DNAAF9: variants seen among roughly 807,000 people sequenced by gnomAD.
DNAAF9 encodes the protein dynein axonemal assembly factor 9.
Under a neutral mutation model 167.0 loss-of-function variants are expected in DNAAF9, and 90 were observed. The ratio of observed to expected loss-of-function variants is 0.54; its 90% CI spans 0.45 to 0.64. The LOEUF (loss-of-function observed/expected upper bound fraction) is 0.64. DNAAF9 is among the 30% of genes least tolerant of loss of function. The pLI, the probability that DNAAF9 is intolerant of heterozygous loss-of-function variation, is 0.00. For synonymous variants in DNAAF9, 491 were observed against 508.8 expected, an observed-to-expected ratio of 0.96 and a Z score of 0.47; for missense variants, 1,315 against 1,442.2, an observed-to-expected ratio of 0.91 and a Z score of 1.43.
intron 6 of DNAAF9, among the ~76,000 whole-genome samples, chr20:3,369,914 T>C (rs983395654): frequency 6.6e-6 from 1 of 152,220 alleles, no homozygotes; most frequent in Non-Finnish European, 1.5e-5. Flanking sequence ...AAGAGTTTTA[T>C]GTCAAGTTTT....
chr20:3,322,805 C>A, intron 14 of DNAAF9, 109 bp from the exon 15 acceptor site: 1 of 821,492 alleles, frequency 1.2e-6, no homozygotes, highest in Non-Finnish European at 2.1e-6. Context: ...AGGTGTGTGT[C>A]ATCCTTGCTT....
rs781547457 is a variant in DNAAF9, at chr20:3,318,348, A to C, written c.1409T>G (p.Leu470Ter). 6.2e-7 allele frequency: 1 copy of C among 1,608,146 alleles called. No individual in the cohort carries two copies. Among genetic ancestry groups the C allele is most frequent in the Non-Finnish European group, 8.5e-7 (1 of 1,174,690 alleles). Residue 470 changes from leucine (L) to a stop codon, truncating the protein, a stop_gained, in exon 17 of 37, where the codon TTA becomes TGA. Transcript: ENST00000252032. LOFTEE classifies it high-confidence loss of function. Reference protein sequence around the residue: ...IPDLLGGNGCLGSVVFSESFL... With the variant: ...IPDLLGGNGC ...TGATTCAGAGAAAACCACAGATCCT[A>C]AACAACCATTGCCTCCCAGTAAGTC...
intron 1 of DNAAF9, among the ~76,000 whole-genome samples, chr20:3,396,322 T>C (rs1183165378): frequency 6.6e-6 from 1 of 152,260 alleles, no homozygotes; most frequent in Non-Finnish European, 1.5e-5. Flanking sequence ...GTTTTCTCTC[T>C]TCCTTTTTTT....
intron 29 of DNAAF9, among the ~76,000 whole-genome samples, chr20:3,271,519 A>T (rs569157423): frequency 2.8e-4 from 42 of 152,290 alleles, no homozygotes; most frequent in Admixed American, 7.8e-4. Flanking sequence ...AGATAATTAT[A>T]ATACCCCTTC....
rs754649502 is a variant in DNAAF9, at chr20:3,381,481, T to C, written c.181A>G (p.Asn61Asp). 1 of 1,613,900 alleles carries C rather than the reference T, an allele frequency of 6.2e-7. No homozygotes were observed. The highest frequency in any genetic ancestry group is 1.1e-5 in the South Asian group (1 of 91,062). ...TTTGCCAGCTCTCTGCAGCCTTCAT[T>C]GTACCTGCTATCGATTCCTGCAAGG... The part of the protein sequence containing the change: ...LCILGIDSRY[N>D]EGCRELANYL... Residue 61 changes from asparagine (N) to aspartate (D), a missense_variant, in exon 3 of 37, where the codon AAT becomes GAT. Coordinates refer to ENST00000252032, the MANE Select transcript of DNAAF9 (RefSeq NM_001009984.3).
intron 1 of DNAAF9, among the ~76,000 whole-genome samples, chr20:3,407,192 G>A (rs1384145125): frequency 1.3e-5 from 2 of 152,068 alleles, no homozygotes; most frequent in Admixed American, 6.5e-5. Context: ...TGTCTTCACA[G>A]GGAATCGCTG....
At chr20:3,363,516 A>G (rs2083391687) in intron 6 of DNAAF9, among the ~76,000 whole-genome samples, 1 of 150,578 alleles carries the variant, frequency 6.6e-6, no homozygotes. Flanking sequence ...AAAAAAGATT[A>G]ATGCAAAGCA....
chr20:3,389,218 T>C (rs1376620081), intron 1 of DNAAF9, among the ~76,000 whole-genome samples: 41 of 152,124 alleles, frequency 2.7e-4, no homozygotes. Flanking sequence ...TGATCACGAC[T>C]CACTGCAGCC....
intron 16 of DNAAF9, among the ~76,000 whole-genome samples, chr20:3,320,073 C>T (rs930626448): frequency 6.6e-6 from 1 of 152,166 alleles, no homozygotes; most frequent in African/African-American, 2.4e-5. Flanking sequence ...AAAAAGATAA[C>T]ATGTAGCATT....
chr20:3,379,217 T>C (rs1226312432), intron 3 of DNAAF9, among the ~76,000 whole-genome samples: 6 of 151,942 alleles, frequency 3.9e-5, no homozygotes, highest in Non-Finnish European at 8.8e-5. Flanking sequence ...CCAAATCTCT[T>C]AGAACTCTGG....
chr20:3,332,967 C>A (rs900503135), intron 10 of DNAAF9, among the ~76,000 whole-genome samples: 1 of 149,184 alleles, frequency 6.7e-6, no homozygotes, highest in Non-Finnish European at 1.5e-5. Flanking sequence ...TGTGAGGGTG[C>A]TGTTGGATAC....
Position 3,316,051 on chromosome 20 carries a change from C to T in DNAAF9, c.1540-266G>A. On this transcript the variant is annotated intron_variant, in intron 18 of 36. Transcript: ENST00000252032. ...AGCAGAGGGGATGTGTTAGTCTCCA[C>T]CTGTATTTCACTTCAGAAAAAAACA... The T allele has an allele frequency of 9.9e-6, 5 of 506,270 alleles. No homozygotes were observed. In the South Asian group the frequency reaches 1.6e-4, roughly 16 times the overall value. The allele number at this position is 506,270 out of a possible 1,614,324, so 31.4% of individuals were successfully genotyped here. A position where few individuals can be genotyped will look rare whatever the true frequency, so the allele number is the denominator to read the frequency against.
At chr20:3,285,029 A>G (rs2068827185) in intron 27 of DNAAF9, among the ~76,000 whole-genome samples, 1 of 152,090 alleles carries the variant, frequency 6.6e-6, no homozygotes, top group Admixed American at 6.6e-5. Flanking sequence ...CTCCACTCCC[A>G]TTCTGACCTC....
At chr20:3,268,218 C>A (rs1053145476) in intron 30 of DNAAF9, among the ~76,000 whole-genome samples, 1 of 151,474 alleles carries the variant, frequency 6.6e-6, no homozygotes, top group Admixed American at 6.6e-5. Flanking sequence ...TTAGTAGAGG[C>A]GGGGTTTCGC....
chr20:3,310,325 G>GTGAAAGAAAA (rs2069382486), intron 20 of DNAAF9, among the ~76,000 whole-genome samples: 1 of 60,280 alleles, frequency 1.7e-5, no homozygotes, highest in Non-Finnish European at 3.6e-5. Flanking sequence ...AGAAAGGAAA[G>GTGAAAGAAAA]AGAAAGAAAA....
chr20:3,339,629 G>A (rs2070038720), intron 10 of DNAAF9, among the ~76,000 whole-genome samples: 1 of 152,176 alleles, frequency 6.6e-6, no homozygotes, highest in African/African-American at 2.4e-5. Flanking sequence ...TAATGGGGGA[G>A]GGAAACATTC....
chr20:3,313,803 A>C (rs1163733772), intron 20 of DNAAF9, among the ~76,000 whole-genome samples: 1 of 152,200 alleles, frequency 6.6e-6, no homozygotes, highest in Non-Finnish European at 1.5e-5. Context: ...CCTTTCACTG[A>C]AAAAGGAAGG....
At chr20:3,255,369 A>G (rs1569942) in intron 34 of DNAAF9, 85 bp from the exon 35 acceptor site, 743,226 of 778,520 alleles carry the variant, frequency 0.95, 354,948 homozygotes, top group East Asian at 1. Flanking sequence ...TCTATTACAC[A>G]ACTAAGATCT....
intron 21 of DNAAF9, among the ~76,000 whole-genome samples, chr20:3,302,240 T>C (rs1031721543): frequency 6.6e-6 from 1 of 152,174 alleles, no homozygotes; most frequent in Non-Finnish European, 1.5e-5. Flanking sequence ...TGCCTAGCCA[T>C]AAAAAAATTT....
Sources: gnomAD v4.1 joint callset for allele counts (sites outside exome capture counted in the v4.1 genomes callset) on GRCh38, gnomAD v4.1.1 for gene constraint, MANE v1.5 for transcripts, NCBI Gene and HGNC (gene_info 2026-07-23, HGNC 2026-07-21) for gene names.